KCNIP4: variants seen among roughly 807,000 people sequenced by gnomAD.
KCNIP4 encodes the protein potassium voltage-gated channel interacting protein 4.
A neutral mutation model predicts 34.0 loss-of-function variants in KCNIP4; 12 were observed. That is an observed-to-expected ratio of 0.35 (90% confidence interval 0.23 to 0.57). KCNIP4 has a LOEUF of 0.57. Ranked by LOEUF, KCNIP4 falls within the 20% of genes least tolerant of loss-of-function variation. The probability of loss-of-function intolerance (pLI) is 0.83; values close to 1 mark genes in which losing one functional copy is unlikely to be tolerated. For synonymous variants in KCNIP4, 124 were observed against 102.2 expected (o/e 1.21, Z -1.29); for missense variants, 238 against 311.7 (o/e 0.76, Z 1.78).
At chr4:21,436,041 T>G (rs1455091583) in intron 1 of KCNIP4, among the ~76,000 whole-genome samples, 1 of 152,174 alleles carries the variant, frequency 6.6e-6, no homozygotes, top group Non-Finnish European at 1.5e-5. Flanking sequence ...CAGGATGCCT[T>G]ATTTCCAGAA....
At chr4:21,265,438 A>C (rs1374530021) in intron 1 of KCNIP4, among the ~76,000 whole-genome samples, 1 of 152,234 alleles carries the variant, frequency 6.6e-6, no homozygotes, top group Non-Finnish European at 1.5e-5. Flanking sequence ...TCGGAGTTAC[A>C]AACTACAAAG....
At chr4:20,833,958 A>G (rs762231760) in intron 3 of KCNIP4, among the ~76,000 whole-genome samples, 4 of 152,202 alleles carry the variant, frequency 2.6e-5, no homozygotes, top group Non-Finnish European at 5.9e-5. Flanking sequence ...AAGCACCCCT[A>G]AACTGGGAGT....
chr4:21,121,916 G>A (rs1577729105), intron 1 of KCNIP4, among the ~76,000 whole-genome samples: 1 of 152,186 alleles, frequency 6.6e-6, no homozygotes, highest in African/African-American at 2.4e-5. Flanking sequence ...TGGAGGCAAT[G>A]GCCATCTTTT....
intron 1 of KCNIP4, among the ~76,000 whole-genome samples, chr4:21,069,456 C>G (rs1744700765): frequency 6.6e-6 from 1 of 152,184 alleles, no homozygotes; most frequent in Non-Finnish European, 1.5e-5. Flanking sequence ...AGCTACTTAA[C>G]TCAAGTGACC....
At chr4:20,940,897 G>A (rs1731573677) in intron 1 of KCNIP4, among the ~76,000 whole-genome samples, 2 of 152,272 alleles carry the variant, frequency 1.3e-5, no homozygotes, top group Non-Finnish European at 2.9e-5. Context: ...GAGAAAATAT[G>A]GGCTCAGAGA....
intron 1 of KCNIP4, among the ~76,000 whole-genome samples, chr4:21,126,511 C>G (rs1577738032): frequency 6.7e-6 from 1 of 150,080 alleles, no homozygotes; most frequent in South Asian, 2.1e-4. Flanking sequence ...AGATTTGAGC[C>G]ATTGTGTATC....
intron 1 of KCNIP4, among the ~76,000 whole-genome samples, chr4:21,391,473 A>T (rs891903033): frequency 6.6e-6 from 1 of 152,048 alleles, no homozygotes; most frequent in Non-Finnish European, 1.5e-5. Flanking sequence ...CTCTCTTCTG[A>T]TACCTTCTGT....
intron 1 of KCNIP4, among the ~76,000 whole-genome samples, chr4:21,577,017 C>T (rs1034724488): frequency 1.3e-5 from 2 of 152,038 alleles, no homozygotes; most frequent in African/African-American, 2.4e-5. Flanking sequence ...TAAATAGGTG[C>T]ATACCCTGTG....
chr4:21,455,808 CATATATATATATAT>C lies in KCNIP4; in HGVS notation c.61+492749_61+492762del, dbSNP rs1171436191. Among the ~76,000 whole-genome samples the C allele has an allele frequency of 0.014, 1,024 of 71,870 alleles. 61 individuals are homozygous for C. In the East Asian group the frequency reaches 0.19, roughly 13 times the overall value. 47.1% of individuals were successfully genotyped at this position (71,870 alleles called of 152,430 possible). On this transcript the variant is annotated intron_variant, in intron 1 of 8. Coordinates refer to ENST00000382152, the MANE Select transcript of KCNIP4 (RefSeq NM_025221.6). ...TTAATGTGATAGTCTTACAGATATT[CATATATATATATAT>C]ATATATATATATATATATATATATA...
chr4:21,194,694 T>C (rs749965087), intron 1 of KCNIP4, among the ~76,000 whole-genome samples: 2 of 152,180 alleles, frequency 1.3e-5, no homozygotes, highest in Admixed American at 1.3e-4. Context: ...GCGCTTTGCC[T>C]TCCCTTCTCT....
chr4:21,929,578 T>C (rs183464609), intron 1 of KCNIP4, among the ~76,000 whole-genome samples: 2 of 152,254 alleles, frequency 1.3e-5, no homozygotes, highest in African/African-American at 4.8e-5. Flanking sequence ...CCAATGCCTA[T>C]AAACATGCCC....
intron 1 of KCNIP4, among the ~76,000 whole-genome samples, chr4:21,596,379 C>G (rs1742643582): frequency 6.6e-6 from 1 of 152,082 alleles, no homozygotes. Context: ...TACAAGAAGT[C>G]TATTGACTCT....
Position 20,754,584 on chromosome 4 carries a change from A to G in KCNIP4, c.358+4237T>C, listed in dbSNP as rs1345586471. Among the ~76,000 whole-genome samples the G allele has an allele frequency of 2.6e-5, 4 of 152,248 alleles. No individual in the cohort carries two copies. The East Asian group carries it at 7.7e-4, about 29-fold the overall frequency. Reference sequence around the variant, plus strand: ...AATTTTTAAAAATGCAAAGCAAATCATAATTCTTTAAAATATTTCATTTCC... The same window carrying G: ...AATTTTTAAAAATGCAAAGCAAATCGTAATTCTTTAAAATATTTCATTTCC... On this transcript the variant is annotated intron_variant, in intron 4 of 8. Transcript: ENST00000382152.
intron 1 of KCNIP4, among the ~76,000 whole-genome samples, chr4:21,924,172 A>T (rs1408303531): frequency 6.6e-6 from 1 of 152,178 alleles, no homozygotes; most frequent in East Asian, 1.9e-4. Flanking sequence ...AAACTCCTTT[A>T]ACTGAATAGT....
chr4:21,055,837 C>T (rs1401245222), intron 1 of KCNIP4, among the ~76,000 whole-genome samples: 2 of 152,136 alleles, frequency 1.3e-5, no homozygotes, highest in African/African-American at 4.8e-5. Context: ...GTAAAAAATA[C>T]TCTGTATGAT....
chr4:21,376,811 T>C (rs1721005033), intron 1 of KCNIP4, among the ~76,000 whole-genome samples: 1 of 152,164 alleles, frequency 6.6e-6, no homozygotes, highest in Non-Finnish European at 1.5e-5. Context: ...TTGCACCCAA[T>C]ACAAAACCAT....
At chr4:21,300,600 C>T (rs935980630) in intron 1 of KCNIP4, among the ~76,000 whole-genome samples, 5 of 151,998 alleles carry the variant, frequency 3.3e-5, no homozygotes, top group Admixed American at 6.6e-5. Flanking sequence ...TTTCGAGAAA[C>T]GGTATCATGA....
At chr4:21,642,368 G>C (rs992317316) in intron 1 of KCNIP4, among the ~76,000 whole-genome samples, 14 of 151,954 alleles carry the variant, frequency 9.2e-5, no homozygotes, top group African/African-American at 3.4e-4. Context: ...TGTTGCTGCT[G>C]GTTTGACAGA....
chr4:21,475,006 A>AAAAG (rs1730821777), intron 1 of KCNIP4, among the ~76,000 whole-genome samples: 1 of 97,470 alleles, frequency 1.0e-5, no homozygotes, highest in Non-Finnish European at 2.7e-5. Context: ...ATCTCGAAAA[A>AAAAG]CAAAAAAAAA....
Sources: gnomAD v4.1 joint callset for allele counts (sites outside exome capture counted in the v4.1 genomes callset) on GRCh38, gnomAD v4.1.1 for gene constraint, MANE v1.5 for transcripts, NCBI Gene and HGNC (gene_info 2026-07-23, HGNC 2026-07-21) for gene names.